Variants in EYA4 observed in about 807,000 individuals in gnomAD.
EYA4 encodes EYA transcriptional coactivator and phosphatase 4.
In EYA4, 31 loss-of-function variants were observed where a neutral mutation model predicts 87.9. The ratio of observed to expected loss-of-function variants is 0.35; its 90% confidence interval spans 0.27 to 0.48. The LOEUF is 0.48. Among genes scored for constraint, EYA4 ranks in the 20% least tolerant of loss-of-function variants. The pLI is 0.99. For missense variants in EYA4, 678 were observed against 761.4 expected, an observed-to-expected ratio of 0.89 and a Z score of 1.29; for synonymous variants, 263 against 270.6, an observed-to-expected ratio of 0.97 and a Z score of 0.28.
chr6:133,285,362 G>A (rs1777968756), intron 2 of EYA4, among the ~76,000 whole-genome samples: 1 of 152,086 alleles, frequency 6.6e-6, no homozygotes, highest in African/African-American at 2.4e-5. Flanking sequence ...GGGGAAAGTG[G>A]GTTTTAATTA....
intron 3 of EYA4, among the ~76,000 whole-genome samples, chr6:133,399,430 G>A (rs578003720): frequency 2.6e-5 from 4 of 152,100 alleles, no homozygotes; most frequent in Non-Finnish European, 5.9e-5. Flanking sequence ...GATGTGTGGT[G>A]TAGAAAGGTG....
intron 3 of EYA4, among the ~76,000 whole-genome samples, chr6:133,436,675 G>T (rs1413854319): frequency 6.6e-6 from 1 of 152,164 alleles, no homozygotes; most frequent in Non-Finnish European, 1.5e-5. Flanking sequence ...AAATCATTCT[G>T]ATGGTCAAAT....
intron 11 of EYA4, among the ~76,000 whole-genome samples, chr6:133,472,686 CAGTGGGGTGTTAA>C: frequency 1.5e-5 from 1 of 67,372 alleles, no homozygotes; most frequent in Admixed American, 1.8e-4. Context: ...CTAATGTTGA[CAGTGGGGTGTTAA>C]AGTCTCCCAT....
chr6:133,513,662 C>T (rs1219000013), intron 16 of EYA4, among the ~76,000 whole-genome samples: 1 of 152,016 alleles, frequency 6.6e-6, no homozygotes, highest in African/African-American at 2.4e-5. Context: ...ATATCAAAAC[C>T]TTTGCTATCA....
At chr6:133,380,718 A>G (rs576408237) in intron 2 of EYA4, among the ~76,000 whole-genome samples, 106 of 152,192 alleles carry the variant, frequency 7.0e-4, no homozygotes, top group African/African-American at 2.5e-3. Flanking sequence ...TGTTTTCCTC[A>G]TACAAATTTA....
intron 18 of EYA4, among the ~76,000 whole-genome samples, chr6:133,524,215 A>T (rs1053275280): frequency 3.3e-5 from 5 of 152,190 alleles, no homozygotes; most frequent in Non-Finnish European, 7.3e-5. Flanking sequence ...GAATCAAATA[A>T]TTTTACAGCA....
At chr6:133,355,465 T>G (rs1335389355) in intron 2 of EYA4, among the ~76,000 whole-genome samples, 2 of 152,068 alleles carry the variant, frequency 1.3e-5, no homozygotes, top group African/African-American at 4.8e-5. Flanking sequence ...ATCAAGAAAA[T>G]GTGGTACCTA....
At chr6:133,457,341 G>A (rs1793997547) in intron 6 of EYA4, among the ~76,000 whole-genome samples, 1 of 152,044 alleles carries the variant, frequency 6.6e-6, no homozygotes, top group African/African-American at 2.4e-5. Flanking sequence ...TTTTTATCTG[G>A]TGAAAGGATT....
intron 2 of EYA4, among the ~76,000 whole-genome samples, chr6:133,378,861 T>C (rs1233778361): frequency 6.6e-6 from 1 of 151,980 alleles, no homozygotes; most frequent in African/African-American, 2.4e-5. Context: ...AGATATTGCA[T>C]AGGTTAAAGT....
intron 3 of EYA4, among the ~76,000 whole-genome samples, chr6:133,418,243 C>G (rs1184486320): frequency 6.6e-6 from 1 of 152,178 alleles, no homozygotes; most frequent in Non-Finnish European, 1.5e-5. Flanking sequence ...TCATGATTCA[C>G]TGCATCCTAG....
chr6:133,276,784 A>C (rs758076373), intron 2 of EYA4, among the ~76,000 whole-genome samples: 3 of 152,164 alleles, frequency 2.0e-5, no homozygotes, highest in Non-Finnish European at 2.9e-5. Context: ...ATAGCTGATA[A>C]GAGGCAGAGT....
At chr6:133,333,747 ATATAT>A (rs1188080903) in intron 2 of EYA4, among the ~76,000 whole-genome samples, 1 of 152,140 alleles carries the variant, frequency 6.6e-6, no homozygotes, top group Non-Finnish European at 1.5e-5. Context: ...AGAACACTTA[ATATAT>A]TATAATAGTG....
chr6:133,342,456 G>C (rs75747844), intron 2 of EYA4, among the ~76,000 whole-genome samples: 3,835 of 148,338 alleles, frequency 0.026, 149 homozygotes, highest in African/African-American at 0.087. Context: ...CAGATCGGAA[G>C]GTGTAGCAAG....
chr6:133,385,391 CTGTGTG>C (rs66881281), intron 3 of EYA4, among the ~76,000 whole-genome samples: 12,574 of 115,222 alleles, frequency 0.11, 825 homozygotes, highest in East Asian at 0.18. Flanking sequence ...TATGCTCTCT[CTGTGTG>C]TGTGTGTGTG....
intron 1 of EYA4, among the ~76,000 whole-genome samples, chr6:133,260,143 T>A (rs1335718846): frequency 1.3e-5 from 2 of 152,194 alleles, no homozygotes; most frequent in Non-Finnish European, 2.9e-5. Flanking sequence ...ACCTATCTAG[T>A]TTTTTCCACA....
At chr6:133,404,390 C>G (rs967614703) in intron 3 of EYA4, among the ~76,000 whole-genome samples, 1 of 152,334 alleles carries the variant, frequency 6.6e-6, no homozygotes, top group Admixed American at 6.5e-5. Context: ...TTGTTTGTCT[C>G]TGTCACTGTG....
chr6:133,246,511 T>C (rs1221820645), intron 1 of EYA4, among the ~76,000 whole-genome samples: 2 of 152,162 alleles, frequency 1.3e-5, no homozygotes, highest in Admixed American at 6.5e-5. Context: ...CTGATTCCTA[T>C]TATCACATGA....
At chr6:133,249,722 G>T (rs576827045) in intron 1 of EYA4, among the ~76,000 whole-genome samples, 1 of 152,260 alleles carries the variant, frequency 6.6e-6, no homozygotes, top group South Asian at 2.1e-4. Context: ...CTTTTCTACT[G>T]CTTTTTCAAT....
In EYA4 at chr6:133,531,155, G is replaced by C. The variant is rs1800987422; in HGVS notation, c.*2350G>C. 6.5e-7 allele frequency: 1 copy of C among 1,532,664 alleles called. No homozygotes were observed. The highest frequency in any genetic ancestry group is 8.7e-7 in the Non-Finnish European group (1 of 1,145,412). The allele number at this position is 1,532,664 out of a possible 1,614,324, so 94.9% of individuals were successfully genotyped here. A position where few individuals can be genotyped will look rare whatever the true frequency, so the allele number is the denominator to read the frequency against. Reference sequence around the variant, plus strand: ...AAGGGCAAAGAGAAGCCGGCTGGTTGCATCACCCCGTGCAGTTTCTCACAC... The same window carrying C: ...AAGGGCAAAGAGAAGCCGGCTGGTTCCATCACCCCGTGCAGTTTCTCACAC... On this transcript the variant is annotated 3_prime_UTR_variant, in exon 20 of 20. Coordinates refer to ENST00000355286, the MANE Select transcript of EYA4 (RefSeq NM_004100.5).
Sources: gnomAD v4.1 joint callset for allele counts (sites outside exome capture counted in the v4.1 genomes callset) on GRCh38, gnomAD v4.1.1 for gene constraint, MANE v1.5 for transcripts, NCBI Gene and HGNC (gene_info 2026-07-23, HGNC 2026-07-21) for gene names.